SORCS3: variants seen among roughly 807,000 people sequenced by gnomAD.
SORCS3 encodes sortilin related VPS10 domain containing receptor 3.
Under a neutral mutation model 146.3 loss-of-function variants are expected in SORCS3, and 57 were observed. The observed-to-expected ratio is 0.39, with a 90% CI of 0.31 to 0.49. SORCS3 has a LOEUF of 0.49. Ranked by LOEUF, SORCS3 falls within the 20% of genes least tolerant of loss-of-function variation. The pLI, the probability that SORCS3 is intolerant of heterozygous loss-of-function variation, is 0.92. For missense variants in SORCS3, 1,341 were observed against 1,575.5 expected (o/e 0.85, Z 2.52); for synonymous variants, 653 against 618.5 (o/e 1.06, Z -0.83).
intron 18 of SORCS3, among the ~76,000 whole-genome samples, chr10:105,216,527 G>C (rs751236891): frequency 6.6e-6 from 1 of 152,004 alleles, no homozygotes; most frequent in African/African-American, 2.4e-5. Flanking sequence ...ATTATGAGGA[G>C]ACTGCTTGCT....
At chr10:105,254,632 C>A (rs938228070) in intron 23 of SORCS3, among the ~76,000 whole-genome samples, 3 of 152,104 alleles carry the variant, frequency 2.0e-5, no homozygotes, top group African/African-American at 4.8e-5. Context: ...AACCCCGTCT[C>A]TACTAAAAAT....
chr10:105,112,153 T>G (rs2055862932), intron 7 of SORCS3, among the ~76,000 whole-genome samples: 1 of 152,218 alleles, frequency 6.6e-6, no homozygotes. Context: ...TTCATATCCC[T>G]TTATGCTTTG....
intron 3 of SORCS3, among the ~76,000 whole-genome samples, chr10:104,949,230 A>T (rs1354458312): frequency 6.6e-6 from 1 of 152,180 alleles, no homozygotes; most frequent in East Asian, 1.9e-4. Context: ...TTAAATTGCT[A>T]TGTTTCCCAC....
At chr10:104,666,749 G>C (rs2015782890) in intron 1 of SORCS3, among the ~76,000 whole-genome samples, 1 of 152,080 alleles carries the variant, frequency 6.6e-6, no homozygotes, top group African/African-American at 2.4e-5. Context: ...GGGACTATAG[G>C]TGCATGCCTC....
chr10:105,028,466 T>A (rs1292506829), intron 4 of SORCS3, among the ~76,000 whole-genome samples: 1 of 152,006 alleles, frequency 6.6e-6, no homozygotes, highest in Admixed American at 6.6e-5. Flanking sequence ...CTCCACTACC[T>A]CCCCGTGAAA....
chr10:105,203,026 G>A (rs1256243395), intron 16 of SORCS3, among the ~76,000 whole-genome samples: 4 of 152,160 alleles, frequency 2.6e-5, no homozygotes, highest in Admixed American at 1.3e-4. Flanking sequence ...CTGAATGGCA[G>A]CCTCACTTCT....
chr10:105,061,260 G>C (rs953604952), intron 5 of SORCS3, among the ~76,000 whole-genome samples: 1 of 150,674 alleles, frequency 6.6e-6, no homozygotes, highest in African/African-American at 2.4e-5. Context: ...TTGTGGGGGT[G>C]AGGTAGGGTG....
chr10:105,046,651 A>G (rs2055374577), intron 5 of SORCS3, among the ~76,000 whole-genome samples: 1 of 152,134 alleles, frequency 6.6e-6, no homozygotes, highest in Non-Finnish European at 1.5e-5. Flanking sequence ...ACGGAACATA[A>G]TATTCATTAG....
intron 4 of SORCS3, among the ~76,000 whole-genome samples, chr10:105,035,007 C>A (rs2055296413): frequency 1.3e-5 from 2 of 152,168 alleles, no homozygotes; most frequent in Admixed American, 6.5e-5. Flanking sequence ...AATGAGTCAA[C>A]CCAAGCATTA....
chr10:105,086,817 G>A (rs1331969927), intron 5 of SORCS3, among the ~76,000 whole-genome samples: 1 of 152,174 alleles, frequency 6.6e-6, no homozygotes. Context: ...TTAGACCTTT[G>A]TCAGATGGAT....
At chr10:104,966,381 A>G (rs147743540) in intron 3 of SORCS3, among the ~76,000 whole-genome samples, 14 of 152,314 alleles carry the variant, frequency 9.2e-5, no homozygotes, top group African/African-American at 3.4e-4. Flanking sequence ...CTATGCTGTC[A>G]TTGTTTTATA....
At chr10:105,054,324 ACAC>A (rs1454754127) in intron 5 of SORCS3, among the ~76,000 whole-genome samples, 3 of 151,818 alleles carry the variant, frequency 2.0e-5, no homozygotes, top group Non-Finnish European at 4.4e-5. Context: ...TGTTTATCAA[ACAC>A]CCATAGCCTG....
At chr10:105,001,732 C>G (rs1037570825) in intron 4 of SORCS3, among the ~76,000 whole-genome samples, 1 of 152,116 alleles carries the variant, frequency 6.6e-6, no homozygotes, top group African/African-American at 2.4e-5. Context: ...TTCGCTAACT[C>G]TAGCCTTGAA....
chr10:105,026,328 C>T (rs538005112), intron 4 of SORCS3, among the ~76,000 whole-genome samples: 3 of 152,354 alleles, frequency 2.0e-5, no homozygotes, highest in Admixed American at 1.3e-4. Context: ...GGGTTCCCCA[C>T]TTTCTGCTCC....
At chr10:105,163,062 G>T (rs1433470153) in intron 11 of SORCS3, among the ~76,000 whole-genome samples, 1 of 151,920 alleles carries the variant, frequency 6.6e-6, no homozygotes, top group Non-Finnish European at 1.5e-5. Flanking sequence ...GAACTCCATG[G>T]ATCTACTCAC....
chr10:105,049,846 C>T (rs1199650189), intron 5 of SORCS3, among the ~76,000 whole-genome samples: 1 of 152,122 alleles, frequency 6.6e-6, no homozygotes, highest in African/African-American at 2.4e-5. Context: ...TGAATAACTA[C>T]CTATTGGGTA....
At chr10:105,074,950 A>G (rs2055579474) in intron 5 of SORCS3, among the ~76,000 whole-genome samples, 1 of 152,216 alleles carries the variant, frequency 6.6e-6, no homozygotes. Context: ...TAACTTGATG[A>G]AAATTGCCCA....
At chr10:104,886,107 C>G (rs1454064562) in intron 2 of SORCS3, among the ~76,000 whole-genome samples, 1 of 152,132 alleles carries the variant, frequency 6.6e-6, no homozygotes, top group African/African-American at 2.4e-5. Context: ...TAGAATTTCT[C>G]TGTTGGCTCC....
intron 16 of SORCS3, among the ~76,000 whole-genome samples, chr10:105,202,816 C>T (rs1251237316): frequency 5.3e-5 from 8 of 152,184 alleles, no homozygotes; most frequent in Non-Finnish European, 1.2e-4. Flanking sequence ...AATTCTTCCC[C>T]TGCATCACAA....
Sources: allele counts gnomAD v4.1 joint callset (sites outside exome capture counted in the v4.1 genomes callset), GRCh38; gene constraint gnomAD v4.1.1; transcripts MANE v1.5; gene names NCBI Gene and HGNC (gene_info 2026-07-23, HGNC 2026-07-21).